The following KHDC1 variants were observed in gnomAD, a reference collection of about 807,000 sequenced individuals.
The protein encoded by KHDC1 is KH homology domain-containing protein 1.
KHDC1 carries 21 observed loss-of-function variants against 24.7 expected under a neutral mutation model. That is an observed-to-expected ratio of 0.85 (90% CI 0.60 to 1.23). The LOEUF is 1.23. Among genes scored for constraint, KHDC1 ranks in the 50% most tolerant of loss-of-function variants. The probability of loss-of-function intolerance (pLI) is 0.00; values close to 1 mark genes in which losing one functional copy is unlikely to be tolerated. For synonymous variants in KHDC1, 98 were observed against 111.7 expected (o/e 0.88, Z 0.77); for missense variants, 274 against 298.5 (o/e 0.92, Z 0.61).
At chr6:73,253,492 G>A (rs1171602133) in intron 2 of KHDC1, among the ~76,000 whole-genome samples, 2 of 151,958 alleles carry the variant, frequency 1.3e-5, no homozygotes, top group Non-Finnish European at 2.9e-5. Context: ...GGCAGAGCTT[G>A]CAGTGAGCCA....
chr6:73,252,040 C>CTT (rs112248383), intron 2 of KHDC1, among the ~76,000 whole-genome samples: 28 of 132,732 alleles, frequency 2.1e-4, no homozygotes, highest in East Asian at 6.5e-4. Flanking sequence ...TAAATCATAT[C>CTT]TTTTTTTTTT....
At chr6:73,255,708 C>A (rs1374670447) in intron 2 of KHDC1, among the ~76,000 whole-genome samples, 1 of 150,560 alleles carries the variant, frequency 6.6e-6, no homozygotes, top group Non-Finnish European at 1.5e-5. Flanking sequence ...TCAAGACCAG[C>A]CTGGCCAACA....
At chr6:73,263,085 T>A in intron 2 of KHDC1, 2 of 996,262 alleles carry the variant, frequency 2.0e-6, no homozygotes, top group Non-Finnish European at 2.4e-6. Context: ...CGGCAGCGGC[T>A]GCAGGCCTGG....
At chr6:73,291,197 A>G (rs936867705) in intron 2 of KHDC1, 12 of 471,568 alleles carry the variant, frequency 2.5e-5, no homozygotes, top group South Asian at 1.9e-4. Flanking sequence ...TTAGCCTACC[A>G]TGAATGACTG....
intron 2 of KHDC1, among the ~76,000 whole-genome samples, chr6:73,285,653 T>C (rs534841867): frequency 1.8e-4 from 27 of 151,438 alleles, no homozygotes; most frequent in East Asian, 1.2e-3. Flanking sequence ...TTTTTTCTTT[T>C]TTTTTTTTTT....
At chr6:73,302,935 G>A (rs1180462157) in intron 1 of KHDC1, among the ~76,000 whole-genome samples, 1 of 152,100 alleles carries the variant, frequency 6.6e-6, no homozygotes, top group African/African-American at 2.4e-5. Flanking sequence ...AAATTAGCTG[G>A]GTGTGATGGC....
intron 2 of KHDC1, among the ~76,000 whole-genome samples, chr6:73,252,935 T>G (rs559705414): frequency 6.6e-5 from 10 of 152,326 alleles, no homozygotes; most frequent in African/African-American, 2.4e-4. Flanking sequence ...CATATTGAAT[T>G]TTATATAATT....
chr6:73,279,735 A>G (rs1376603758), intron 2 of KHDC1, among the ~76,000 whole-genome samples: 6 of 151,828 alleles, frequency 4.0e-5, no homozygotes, highest in Non-Finnish European at 8.8e-5. Context: ...ACCCACCACC[A>G]CACCCAGCTA....
At chr6:73,292,074 T>C (rs1229113573) in intron 1 of KHDC1, 8 of 1,613,458 alleles carry the variant, frequency 5.0e-6, no homozygotes, top group Non-Finnish European at 6.8e-6. Flanking sequence ...AAGGAATTAT[T>C]ACAAGGTAAA....
intron 2 of KHDC1, among the ~76,000 whole-genome samples, chr6:73,263,792 C>G (rs1767031675): frequency 6.6e-6 from 1 of 152,202 alleles, no homozygotes; most frequent in African/African-American, 2.4e-5. Flanking sequence ...TTCCATTTTA[C>G]TCCTGTTCGT....
At position 73,287,690 on chromosome 6, in the gene KHDC1, C is replaced by G. The variant is rs550778759; in HGVS notation, c.206+4308G>C. Among the ~76,000 whole-genome samples, 5 of 152,270 alleles carry G rather than the reference C, an allele frequency of 3.3e-5. No homozygotes were observed. The South Asian group carries it at 1.0e-3, about 32-fold the overall frequency. ...ATATACACTGGGAAAAGAGAAATAG[C>G]CAAACATCATAGACTCTTGGACACA... On this transcript the variant is annotated intron_variant, in intron 2 of 4. Transcript: ENST00000370384.
chr6:73,282,235 G>A (rs1365086374), intron 2 of KHDC1, among the ~76,000 whole-genome samples: 7 of 144,198 alleles, frequency 4.9e-5, no homozygotes, highest in African/African-American at 1.3e-4. Context: ...AAAAAAAAAA[G>A]ATGCCACTCT....
At chr6:73,250,540 GC>G (rs1328547392) in intron 2 of KHDC1, among the ~76,000 whole-genome samples, 1 of 152,220 alleles carries the variant, frequency 6.6e-6, no homozygotes, top group Non-Finnish European at 1.5e-5. Flanking sequence ...CTGAATTTGA[GC>G]CCTTGGCATA....
intron 2 of KHDC1, chr6:73,290,972 A>G (rs1767639785): frequency 5.7e-6 from 2 of 350,258 alleles, no homozygotes; most frequent in South Asian, 4.7e-5. Context: ...GTGTTGCACC[A>G]TCTCCCATGA....
In KHDC1 at chr6:73,292,085, T is replaced by C. The variant is rs560603846; in HGVS notation, c.164-45A>G. ...AGAAAAGGAATTATTACAAGGTAAA[T>C]TGGACCTTCTTAGTGATGCCAACAT... On this transcript the variant is annotated intron_variant, in intron 1 of 4. Transcript: ENST00000370384. 2,255 of 1,612,178 alleles carry C rather than the reference T, an allele frequency of 1.4e-3. 9 individuals carry two copies. Among genetic ancestry groups the C allele is most frequent in the Non-Finnish European group, 1.7e-3 (2,000 of 1,178,366 alleles).
At chr6:73,298,183 C>T (rs963600023) in intron 1 of KHDC1, among the ~76,000 whole-genome samples, 3 of 151,862 alleles carry the variant, frequency 2.0e-5, no homozygotes, top group South Asian at 2.1e-4. Context: ...GAGGTCAAGG[C>T]AATCATTCCT....
At chr6:73,242,519 C>T (rs893627537) in exon 3 of KHDC1, 2 of 1,614,162 alleles carry the variant, frequency 1.2e-6, no homozygotes, top group East Asian at 2.2e-5. Flanking sequence ...CATGTCCATG[C>T]TCTGCTCCGA....
chr6:73,241,348 T>G, exon 5 of KHDC1: 1 of 594,592 alleles, frequency 1.7e-6, no homozygotes, highest in South Asian at 2.0e-5. Context: ...ATTGGATTGC[T>G]TTGCCAATAA....
At chr6:73,264,165 T>G (rs1767039205) in intron 2 of KHDC1, among the ~76,000 whole-genome samples, 1 of 152,120 alleles carries the variant, frequency 6.6e-6, no homozygotes, top group African/African-American at 2.4e-5. Context: ...CGCCACTGCA[T>G]TCCAGCCTGG....
Sources: gnomAD v4.1 joint callset for allele counts (sites outside exome capture counted in the v4.1 genomes callset) on GRCh38, gnomAD v4.1.1 for gene constraint, MANE v1.5 for transcripts, NCBI Gene and HGNC (gene_info 2026-07-23, HGNC 2026-07-21) for gene names.